The following MINDY4 variants were observed in gnomAD, a reference collection of about 807,000 sequenced individuals.
MINDY4 encodes the protein probable ubiquitin carboxyl-terminal hydrolase MINDY-4.
In MINDY4, 68 loss-of-function variants were observed where a neutral mutation model predicts 87.0. The ratio of observed to expected loss-of-function variants is 0.78; its 90% confidence interval spans 0.64 to 0.96. MINDY4 has a LOEUF of 0.96. Among genes scored for constraint, MINDY4 ranks in the 40% least tolerant of loss-of-function variants. The probability of loss-of-function intolerance (pLI) is 0.00; values close to 1 mark genes in which losing one functional copy is unlikely to be tolerated. For missense variants in MINDY4, 919 were observed against 928.2 expected (o/e 0.99, Z 0.13); for synonymous variants, 379 against 363.2 (o/e 1.04, Z -0.50).
rs533267061 is a variant in MINDY4 at position 30,850,494 on chromosome 7, G to A, written c.1486G>A (p.Val496Ile). 6.8e-6 allele frequency: 11 copies of A among 1,612,652 alleles called. No individual in the cohort carries two copies. Among genetic ancestry groups the A allele is most frequent in the Admixed American group, 1.7e-5 (1 of 59,932 alleles). ...AGATGCCCACCGGACCCGCTGCCTC[G>A]TCCTGGCCCTCGCAGACATTGTGTG... ...PSDAHRTRCL[V>I]LALADIVWRA... Residue 496 changes from valine (V) to isoleucine (I), a missense_variant, in exon 10 of 18, where the codon GTC (valine) becomes ATC (isoleucine). Transcript: ENST00000265299.
intron 5 of MINDY4, among the ~76,000 whole-genome samples, chr7:30,810,583 G>A (rs1584263974): frequency 1.3e-5 from 2 of 152,160 alleles, no homozygotes; most frequent in African/African-American, 4.8e-5. Context: ...GGACATTAAA[G>A]TAAAAACACG....
At chr7:30,820,118 G>T (rs191999766) in intron 5 of MINDY4, among the ~76,000 whole-genome samples, 1 of 151,314 alleles carries the variant, frequency 6.6e-6, no homozygotes, top group Non-Finnish European at 1.5e-5. Flanking sequence ...AGCCGGGATG[G>T]TCTTGATCTC....
At chr7:30,777,967 T>A (rs1786878524) in intron 1 of MINDY4, among the ~76,000 whole-genome samples, 1 of 152,204 alleles carries the variant, frequency 6.6e-6, no homozygotes, top group Non-Finnish European at 1.5e-5. Flanking sequence ...GAGCTTCTCA[T>A]GGGCCTGGGT....
In MINDY4 at chr7:30,882,367, G is replaced by A; in HGVS notation, c.2152+6G>A. On this transcript the variant is annotated splice_donor_region_variant and intron_variant, in intron 16 of 17. Coordinates refer to ENST00000265299, the MANE Select transcript of MINDY4 (RefSeq NM_032222.3). ...GCAGATCCGGCTGACCATTGGTGCG[G>A]GCCCTCACCCCCCCACCCACCCAAC... The A allele has an allele frequency of 1.9e-6, 3 of 1,549,064 alleles. No homozygotes were observed. Among genetic ancestry groups the A allele is most frequent in the Non-Finnish European group, 2.6e-6 (3 of 1,141,444 alleles).
chr7:30,884,124 G>C (rs1790557791), intron 17 of MINDY4, among the ~76,000 whole-genome samples: 1 of 152,134 alleles, frequency 6.6e-6, no homozygotes. Flanking sequence ...GCCCTGCAAT[G>C]CTTACTGCCT....
chr7:30,831,685 A>AT (rs1788706555), intron 6 of MINDY4, among the ~76,000 whole-genome samples: 1 of 152,080 alleles, frequency 6.6e-6, no homozygotes, highest in African/African-American at 2.4e-5. Flanking sequence ...CTTCCAGAAG[A>AT]TATCTTGTGG....
Position 30,882,983 on chromosome 7 carries a change from A to G in MINDY4, c.2215A>G (p.Ile739Val). Residue 739 changes from isoleucine (I) to valine (V), a missense_variant, in exon 17 of 18, where the codon ATC becomes GTC. By Grantham distance (29) the Ile-to-Val change is conservative. Coordinates refer to ENST00000265299, the MANE Select transcript of MINDY4 (RefSeq NM_032222.3). ...NDLVPPLELC[I>V]RTKWKGASVN... The stretch of plus-strand genomic sequence containing the variant: ...CCTTGTCCCACCCCTCGAGCTCTGC[A>G]TCAGAACCAAGTGAGTCAAGCCCCT... 1 of 1,614,018 alleles carries G rather than the reference A, an allele frequency of 6.2e-7. No individual in the cohort carries two copies. The highest frequency in any genetic ancestry group is 8.5e-7 in the Non-Finnish European group (1 of 1,179,948).
rs368023962 is a variant in MINDY4, at chr7:30,872,863, T to C, written c.1809+557T>C. ...GAAGGGACCTTTTCAAGATGTTACC[T>C]AGTGAGCATCAAAACTGGGAGCTCA... On this transcript the variant is annotated intron_variant, in intron 14 of 17. Transcript: ENST00000265299. Among the ~76,000 whole-genome samples, 15 of 152,350 alleles carry C rather than the reference T, an allele frequency of 9.8e-5. No individual in the cohort carries two copies. In the East Asian group the frequency reaches 2.3e-3, roughly 24 times the overall value.
chr7:30,773,570 G>T (rs1786711141), intron 1 of MINDY4, among the ~76,000 whole-genome samples: 1 of 152,140 alleles, frequency 6.6e-6, no homozygotes. Flanking sequence ...GGGGAGTCAT[G>T]ATAGTCTCCT....
intron 7 of MINDY4, among the ~76,000 whole-genome samples, chr7:30,838,598 G>A (rs571968117): frequency 6.6e-6 from 1 of 152,322 alleles, no homozygotes; most frequent in South Asian, 2.1e-4. Context: ...CTGTGTGCCA[G>A]TAGAACATTA....
At chr7:30,794,792 A>G (rs1309824020) in intron 5 of MINDY4, among the ~76,000 whole-genome samples, 1 of 152,056 alleles carries the variant, frequency 6.6e-6, no homozygotes, top group East Asian at 1.9e-4. Context: ...TCCTCTCACC[A>G]TCACTCAGAA....
chr7:30,823,464 C>T (rs1788402776), intron 5 of MINDY4, among the ~76,000 whole-genome samples: 1 of 152,156 alleles, frequency 6.6e-6, no homozygotes, highest in Non-Finnish European at 1.5e-5. Context: ...CCACCTTCTT[C>T]CTTCTTTCCC....
intron 15 of MINDY4, among the ~76,000 whole-genome samples, chr7:30,877,822 CTTTTTTTTTTTTT>C (rs60164229): frequency 0.17 from 8,063 of 46,908 alleles, 818 homozygotes; most frequent in African/African-American, 0.32. Flanking sequence ...CAGGGACATG[CTTTTTTTTTTTTT>C]TTTTTTTTTT....
intron 5 of MINDY4, 128 bp from the exon 6 acceptor site, chr7:30,828,551 A>G: frequency 2.2e-6 from 2 of 927,708 alleles, no homozygotes; most frequent in South Asian, 2.9e-5. Flanking sequence ...TTCAAGGCAC[A>G]CAGAGGCAAG....
At chr7:30,856,586 C>A (rs1015190186) in intron 12 of MINDY4, among the ~76,000 whole-genome samples, 1 of 151,904 alleles carries the variant, frequency 6.6e-6, no homozygotes, top group Non-Finnish European at 1.5e-5. Context: ...CAGGCATTGG[C>A]GGAAGGGGAA....
In MINDY4 at chr7:30,778,412, A is replaced by T; in HGVS notation, c.64-20A>T. The T allele has an allele frequency of 6.2e-7, 1 of 1,614,180 alleles. No individual in the cohort carries two copies. The highest frequency in any genetic ancestry group is 8.5e-7 in the Non-Finnish European group (1 of 1,180,008). On this transcript the variant is annotated intron_variant, in intron 1 of 17. Transcript: ENST00000265299. ...TTTTGATTTAAGATGGTAAACAGCG[A>T]TTCAGCTTTCTTCCCTCAGGGCTTA... is the stretch of plus-strand genomic sequence containing the variant.
intron 13 of MINDY4, among the ~76,000 whole-genome samples, chr7:30,869,069 G>C (rs4141290): frequency 0.4 from 61,092 of 152,154 alleles, 17,874 homozygotes; most frequent in African/African-American, 0.82. Context: ...TCCATTTTGT[G>C]TGGTTCTGGG....
chr7:30,863,704 A>G (rs1789841143), intron 13 of MINDY4, among the ~76,000 whole-genome samples: 1 of 152,116 alleles, frequency 6.6e-6, no homozygotes, highest in Non-Finnish European at 1.5e-5. Context: ...TGGCCACTTC[A>G]TTGTCAGAGG....
At chr7:30,889,353 C>T (rs1317530948) in intron 17 of MINDY4, among the ~76,000 whole-genome samples, 1 of 152,228 alleles carries the variant, frequency 6.6e-6, no homozygotes, top group East Asian at 1.9e-4. Flanking sequence ...GGGGTCAGCA[C>T]AATGCCTTCC....
Sources: gnomAD v4.1 joint callset for allele counts (sites outside exome capture counted in the v4.1 genomes callset) on GRCh38, gnomAD v4.1.1 for gene constraint, MANE v1.5 for transcripts, NCBI Gene and HGNC (gene_info 2026-07-23, HGNC 2026-07-21) for gene names.